Variants in N4BP2L2 observed in about 807,000 individuals in gnomAD.
N4BP2L2 encodes the protein NEDD4-binding protein 2-like 2.
In N4BP2L2, 50 loss-of-function variants were observed where a neutral mutation model predicts 56.2. That is an observed-to-expected ratio of 0.89 (90% CI 0.71 to 1.13). The LOEUF is 1.13. N4BP2L2 is among the 50% of genes most tolerant of loss of function. The pLI is 0.00. For missense variants in N4BP2L2, 689 were observed against 693.8 expected (o/e 0.99, Z 0.08); for synonymous variants, 203 against 223.6 (o/e 0.91, Z 0.82).
intron 6 of N4BP2L2, among the ~76,000 whole-genome samples, chr13:32,452,352 C>A (rs991480869): frequency 2.0e-5 from 3 of 151,766 alleles, no homozygotes; most frequent in South Asian, 2.1e-4. Context: ...TGAGCCACTG[C>A]GCCCAGCCAG....
intron 6 of N4BP2L2, chr13:32,480,758 C>A: frequency 2.1e-6 from 1 of 479,254 alleles, no homozygotes; most frequent in Non-Finnish European, 3.5e-6. Context: ...CTGAAGAACT[C>A]ATAGAGTGTG....
chr13:32,459,238 G>C (rs1328098344), intron 6 of N4BP2L2, among the ~76,000 whole-genome samples: 1 of 151,542 alleles, frequency 6.6e-6, no homozygotes, highest in Non-Finnish European at 1.5e-5. Flanking sequence ...AACTAGAAAA[G>C]CAAAAACAGC....
At chr13:32,435,007 C>T (rs2075308655) in intron 9 of N4BP2L2, among the ~76,000 whole-genome samples, 1 of 152,154 alleles carries the variant, frequency 6.6e-6, no homozygotes, top group South Asian at 2.1e-4. Context: ...TCCATGCTTG[C>T]TGCATGCTGC....
intron 6 of N4BP2L2, among the ~76,000 whole-genome samples, chr13:32,471,070 G>A (rs1372423944): frequency 1.3e-5 from 2 of 152,232 alleles, no homozygotes. Context: ...CAACAAGGAG[G>A]TGACACCTAC....
At chr13:32,509,791 C>A (rs1053473217), downstream of N4BP2L2, among the ~76,000 whole-genome samples, 30 of 152,106 alleles carry the variant, frequency 2.0e-4, no homozygotes, top group Non-Finnish European at 4.0e-4. Flanking sequence ...AATGACATTT[C>A]TTTTCTAAAC....
At chr13:32,466,493 G>A (rs2138823072) in intron 6 of N4BP2L2, among the ~76,000 whole-genome samples, 1 of 152,138 alleles carries the variant, frequency 6.6e-6, no homozygotes, top group Non-Finnish European at 1.5e-5. Flanking sequence ...CTTGAACCCA[G>A]GAGGTGTAGG....
At chr13:32,530,006 G>A (rs559255368) in intron 2 of N4BP2L2, among the ~76,000 whole-genome samples, 4 of 152,120 alleles carry the variant, frequency 2.6e-5, no homozygotes, top group African/African-American at 7.2e-5. Flanking sequence ...GATTACAGGC[G>A]TGAGCCACCG....
chr13:32,530,543 T>C (rs1280960270), intron 2 of N4BP2L2, among the ~76,000 whole-genome samples: 2 of 152,232 alleles, frequency 1.3e-5, no homozygotes, highest in Admixed American at 6.5e-5. Flanking sequence ...TCTGGGCTCA[T>C]TGGCCACTTG....
intron 3 of N4BP2L2, 122 bp downstream of exon 3, chr13:32,527,286 A>G: frequency 9.8e-7 from 1 of 1,019,056 alleles, no homozygotes; most frequent in African/African-American, 1.6e-5. Flanking sequence ...TTAGGTCTCA[A>G]AGCTATTTAA....
chr13:32,501,429 AC>A (rs1299867363), intron 6 of N4BP2L2, among the ~76,000 whole-genome samples: 1 of 80,342 alleles, frequency 1.2e-5, no homozygotes, highest in Non-Finnish European at 3.1e-5. Context: ...CAAAATAAAA[AC>A]CTTTTTTTTT....
chr13:32,493,977 A>G (rs2087825357), intron 6 of N4BP2L2, among the ~76,000 whole-genome samples: 1 of 152,198 alleles, frequency 6.6e-6, no homozygotes, highest in Non-Finnish European at 1.5e-5. Context: ...CCTCATCTAT[A>G]AAATGTGAGA....
intron 6 of N4BP2L2, chr13:32,480,742 T>C: frequency 3.4e-6 from 2 of 580,202 alleles, no homozygotes; most frequent in South Asian, 3.6e-5. Context: ...ATTTTCATTT[T>C]ATAGACTGAA....
At chr13:32,497,013 T>C (rs1337009243) in intron 6 of N4BP2L2, among the ~76,000 whole-genome samples, 2 of 152,198 alleles carry the variant, frequency 1.3e-5, no homozygotes. Context: ...GGAAGTGGTG[T>C]GAGATGTTCA....
intron 6 of N4BP2L2, among the ~76,000 whole-genome samples, chr13:32,466,137 A>T (rs923332306): frequency 6.6e-6 from 1 of 152,236 alleles, no homozygotes; most frequent in Non-Finnish European, 1.5e-5. Flanking sequence ...ATCTGAAAAC[A>T]ACCCATCTAT....
At chr13:32,511,825 A>G (rs2048203819) in exon 6 of N4BP2L2, 3 of 152,168 alleles carry the variant, frequency 2.0e-5, no homozygotes, top group Admixed American at 2.0e-4. Context: ...TGAAAGAAAA[A>G]GAAATATGAT....
Position 32,443,492 on chromosome 13 carries a change from CTT to C in N4BP2L2, c.998_999del (p.Lys333SerfsTer11). The C allele has an allele frequency of 1.9e-6, 3 of 1,612,346 alleles. No homozygotes were observed. Among genetic ancestry groups the C allele is most frequent in the South Asian group, 1.1e-5 (1 of 90,868 alleles). ...GTATACACTTGTTCCTCTCTTAAAA[CTT>C]TATCTGACATTCTGATTCCATGTTG... is the stretch of plus-strand genomic sequence containing the variant. On this transcript the variant is annotated frameshift_variant, in exon 7 of 10. Transcript: ENST00000357505. LOFTEE classifies it high-confidence loss of function.
intron 6 of N4BP2L2, among the ~76,000 whole-genome samples, chr13:32,480,825 T>C (rs565337161): frequency 4.6e-5 from 7 of 152,056 alleles, no homozygotes; most frequent in South Asian, 2.1e-4. Context: ...AACCTAAAGA[T>C]TGGAATTTTT....
intron 6 of N4BP2L2, among the ~76,000 whole-genome samples, chr13:32,493,948 T>C (rs1314475784): frequency 4.6e-5 from 7 of 152,170 alleles, no homozygotes; most frequent in African/African-American, 1.4e-4. Context: ...AGTTATTTTA[T>C]CTCTTTGGAT....
At chr13:32,505,099 C>G (rs1187746854) in intron 6 of N4BP2L2, 1 of 152,228 alleles carries the variant, frequency 6.6e-6, no homozygotes, top group Non-Finnish European at 1.5e-5. Flanking sequence ...CAGGCCTGAG[C>G]CCTCTGGTCC....
Sources: gnomAD v4.1 joint callset for allele counts (sites outside exome capture counted in the v4.1 genomes callset) on GRCh38, gnomAD v4.1.1 for gene constraint, MANE v1.5 for transcripts, NCBI Gene and HGNC (gene_info 2026-07-23, HGNC 2026-07-21) for gene names.